GRHL2: variants seen among roughly 807,000 people sequenced by gnomAD.
The protein encoded by GRHL2 is grainyhead like transcription factor 2.
A neutral mutation model predicts 83.8 loss-of-function variants in GRHL2; 21 were observed. The ratio of observed to expected loss-of-function variants is 0.25; its 90% CI spans 0.18 to 0.36. The LOEUF is 0.36. GRHL2 is among the 10% of genes least tolerant of loss of function. The pLI is 1.00. For synonymous variants in GRHL2, 280 were observed against 278.9 expected, an observed-to-expected ratio of 1.00 and a Z score of -0.04; for missense variants, 623 against 781.8, an observed-to-expected ratio of 0.80 and a Z score of 2.42.
chr8:101,566,687 T>C (rs993767747), intron 4 of GRHL2, among the ~76,000 whole-genome samples: 1 of 151,144 alleles, frequency 6.6e-6, no homozygotes, highest in African/African-American at 2.4e-5. Context: ...CTTATGATCC[T>C]CCCCCATACA....
downstream of GRHL2, among the ~76,000 whole-genome samples, chr8:101,674,589 C>A (rs1220321658): frequency 1.3e-5 from 2 of 152,108 alleles, no homozygotes; most frequent in African/African-American, 4.8e-5. Context: ...CAAAAAAAGT[C>A]CAGGACCAGA....
intron 6 of GRHL2, among the ~76,000 whole-genome samples, chr8:101,574,325 G>A (rs1453075013): frequency 1.3e-5 from 2 of 152,172 alleles, no homozygotes; most frequent in Non-Finnish European, 2.9e-5. Context: ...TCACTTGGGG[G>A]AGTTTTCAGA....
At chr8:101,575,906 C>T (rs1338564477) in intron 6 of GRHL2, among the ~76,000 whole-genome samples, 1 of 152,160 alleles carries the variant, frequency 6.6e-6, no homozygotes, top group Non-Finnish European at 1.5e-5. Flanking sequence ...CTCTGAAGAT[C>T]TCACTGCTTG....
At chr8:101,621,873 G>T (rs1411969797) in intron 9 of GRHL2, among the ~76,000 whole-genome samples, 1 of 149,908 alleles carries the variant, frequency 6.7e-6, no homozygotes, top group Non-Finnish European at 1.5e-5. Context: ...GACACAGCAA[G>T]ACCCTATCTA....
rs1191126170 is a variant in GRHL2, at chr8:101,669,199, T to G, written c.*2496T>G. On this transcript the variant is annotated 3_prime_UTR_variant, in exon 16 of 16. Coordinates refer to ENST00000646743, the MANE Select transcript of GRHL2 (RefSeq NM_024915.4). The stretch of plus-strand genomic sequence containing the variant: ...TTTTTGTCCCTTAATCAAACTCAAA[T>G]AAGCTTAAAAAAAATCCATGGAAGA... 2 of 145,950 alleles carry G rather than the reference T, an allele frequency of 1.4e-5. No homozygotes were observed. The allele number at this position is 145,950 out of a possible 1,614,324, so 9.0% of individuals were successfully genotyped here. A position where few individuals can be genotyped will look rare whatever the true frequency, so the allele number is the denominator to read the frequency against.
At chr8:101,518,015 G>A (rs573571344) in intron 1 of GRHL2, among the ~76,000 whole-genome samples, 3 of 152,094 alleles carry the variant, frequency 2.0e-5, no homozygotes, top group Non-Finnish European at 2.9e-5. Context: ...GGTTCTAGAA[G>A]TTCTAGAGCT....
intron 4 of GRHL2, among the ~76,000 whole-genome samples, chr8:101,568,946 G>A (rs2130213295): frequency 6.6e-6 from 1 of 152,302 alleles, no homozygotes; most frequent in Admixed American, 6.5e-5. Context: ...GGTATGCTGA[G>A]TTCCAGAGAT....
intron 7 of GRHL2, among the ~76,000 whole-genome samples, chr8:101,578,047 T>TGTGTAC (rs1811968522): frequency 6.6e-6 from 1 of 152,172 alleles, no homozygotes; most frequent in African/African-American, 2.4e-5. Flanking sequence ...GCCAGGAGTC[T>TGTGTAC]GTGTACCCCT....
chr8:101,631,717 C>A lies in GRHL2; in HGVS notation c.1338C>A (p.Cys446Ter). The change falls in exon 10 of 16, where the codon TGC (cysteine) becomes TGA (stop). Residue 446 changes from cysteine to a stop codon, truncating the protein, a stop_gained. Coordinates refer to ENST00000646743, the MANE Select transcript of GRHL2 (RefSeq NM_024915.4). LOFTEE classifies it high-confidence loss of function. ...KGKGQASQTQCNSSSDGKLAA... is the reference protein window; with the variant it reads ...KGKGQASQTQ ...AAGGCCAGGCCTCCCAAACTCAATGCAACAGCTGTGAGTTTCACTGAGACT... is the reference window on the plus strand; with the variant it reads ...AAGGCCAGGCCTCCCAAACTCAATGAAACAGCTGTGAGTTTCACTGAGACT... The A allele has an allele frequency of 6.2e-7, 1 of 1,612,638 alleles. No individual in the cohort carries two copies. Among genetic ancestry groups the A allele is most frequent in the Non-Finnish European group, 8.5e-7 (1 of 1,178,788 alleles).
At chr8:101,505,606 A>G (rs1810325450) in intron 1 of GRHL2, among the ~76,000 whole-genome samples, 1 of 150,216 alleles carries the variant, frequency 6.7e-6, no homozygotes, top group African/African-American at 2.5e-5. Flanking sequence ...AACAGTGTAA[A>G]TAAAGGCACC....
At chr8:101,556,731 T>A (rs1035877415) in intron 3 of GRHL2, among the ~76,000 whole-genome samples, 4 of 152,204 alleles carry the variant, frequency 2.6e-5, no homozygotes, top group African/African-American at 9.6e-5. Context: ...ATGTTCTCTC[T>A]CAATTTGGTG....
chr8:101,607,521 A>G (rs901514126), intron 8 of GRHL2, among the ~76,000 whole-genome samples: 2 of 152,228 alleles, frequency 1.3e-5, no homozygotes, highest in African/African-American at 4.8e-5. Context: ...TGATTAAGAA[A>G]AAGTTATACT....
chr8:101,674,628 T>A (rs1045047283), downstream of GRHL2, among the ~76,000 whole-genome samples: 1 of 152,000 alleles, frequency 6.6e-6, no homozygotes, highest in African/African-American at 2.4e-5. Context: ...CTACCAGAGG[T>A]AAAAGGAGGA....
At position 101,621,021 on chromosome 8, in the gene GRHL2, G is replaced by T. The variant is rs115088404; in HGVS notation, c.1257+1324G>T. On this transcript the variant is annotated intron_variant, in intron 9 of 15. Transcript: ENST00000646743. ...TCAAAATAAAAATGAAGAGGAAGATGGGACGGGATACAGAGTAGGCAGATC... is the reference window on the plus strand; with the variant it reads ...TCAAAATAAAAATGAAGAGGAAGATTGGACGGGATACAGAGTAGGCAGATC... 1.4e-3 allele frequency among the ~76,000 whole-genome samples: 212 copies of T among 152,184 alleles called. 1 individual carries two copies. The highest frequency in any genetic ancestry group is 5.0e-3 in the African/African-American group (206 of 41,510).
chr8:101,545,695 T>G (rs896244090), intron 2 of GRHL2, among the ~76,000 whole-genome samples: 2 of 152,056 alleles, frequency 1.3e-5, no homozygotes, highest in South Asian at 2.1e-4. Context: ...GGGCCACTTC[T>G]TGAGGGCTTA....
intron 9 of GRHL2, among the ~76,000 whole-genome samples, chr8:101,630,933 T>A (rs528904820): frequency 6.6e-6 from 1 of 152,238 alleles, no homozygotes; most frequent in East Asian, 1.9e-4. Context: ...GGTCAATTGG[T>A]TAAGTAGGGT....
intron 7 of GRHL2, among the ~76,000 whole-genome samples, chr8:101,596,150 TAAATA>T (rs1812386643): frequency 6.6e-6 from 1 of 151,090 alleles, no homozygotes; most frequent in Admixed American, 6.6e-5. Flanking sequence ...ATAAAATAAA[TAAATA>T]AAACAGAGAA....
the GRHL2 span, among the ~76,000 whole-genome samples, chr8:101,675,001 T>C: frequency 6.6e-6 from 1 of 152,176 alleles, no homozygotes; most frequent in African/African-American, 2.4e-5. Flanking sequence ...TTTGACAAAA[T>C]TCAACAACCC....
chr8:101,553,623 C>CTTTT (rs1184533206), intron 3 of GRHL2, among the ~76,000 whole-genome samples: 226 of 106,806 alleles, frequency 2.1e-3, no homozygotes, highest in Non-Finnish European at 2.8e-3. Flanking sequence ...TCATCCACTT[C>CTTTT]TTTTTTTTTT....
Sources: allele counts gnomAD v4.1 joint callset (sites outside exome capture counted in the v4.1 genomes callset), GRCh38; gene constraint gnomAD v4.1.1; transcripts MANE v1.5; gene names NCBI Gene and HGNC (gene_info 2026-07-23, HGNC 2026-07-21).